The following DOCK3 variants were observed in gnomAD, a reference collection of about 807,000 sequenced individuals.
DOCK3 encodes the protein dedicator of cytokinesis protein 3.
A neutral mutation model predicts 265.6 loss-of-function variants in DOCK3; 60 were observed. The ratio of observed to expected loss-of-function variants is 0.23; its 90% CI spans 0.18 to 0.28. DOCK3 has a LOEUF of 0.28. Ranked by LOEUF, DOCK3 falls within the 10% of genes least tolerant of loss-of-function variation. DOCK3 has a pLI of 1.00. For missense variants in DOCK3, 1,981 were observed against 2,594.3 expected (o/e 0.76, Z 5.14); for synonymous variants, 881 against 938.0 (o/e 0.94, Z 1.11).
At chr3:50,842,781 A>G (rs2045901706) in intron 3 of DOCK3, among the ~76,000 whole-genome samples, 1 of 152,204 alleles carries the variant, frequency 6.6e-6, no homozygotes, top group South Asian at 2.1e-4. Context: ...ACATTCATGA[A>G]TGCTTACGTG....
chr3:50,991,221 G>A (rs1270792898), intron 5 of DOCK3, among the ~76,000 whole-genome samples: 1 of 152,136 alleles, frequency 6.6e-6, no homozygotes, highest in Non-Finnish European at 1.5e-5. Flanking sequence ...TAACAGCACA[G>A]TGACAGGATC....
chr3:51,256,710 C>T (rs2079572241), intron 22 of DOCK3, among the ~76,000 whole-genome samples: 1 of 151,152 alleles, frequency 6.6e-6, no homozygotes, highest in African/African-American at 2.4e-5. Context: ...TCTCCTGTCT[C>T]AGCCTCCCAA....
intron 2 of DOCK3, among the ~76,000 whole-genome samples, chr3:50,803,973 A>G (rs2043232825): frequency 1.3e-5 from 2 of 149,888 alleles, no homozygotes; most frequent in African/African-American, 2.5e-5. Flanking sequence ...GGGGCTCCTC[A>G]CTTCTCAGAC....
At chr3:50,821,150 T>C (rs1012937734) in intron 2 of DOCK3, among the ~76,000 whole-genome samples, 2 of 150,012 alleles carry the variant, frequency 1.3e-5, no homozygotes, top group African/African-American at 2.4e-5. Flanking sequence ...CTTTTTTTTT[T>C]TTTTTTTTGC....
intron 9 of DOCK3, among the ~76,000 whole-genome samples, chr3:51,100,128 G>T (rs1180468346): frequency 6.6e-6 from 1 of 152,198 alleles, no homozygotes; most frequent in African/African-American, 2.4e-5. Context: ...TAAAGGTAAA[G>T]CTGTGCTTAT....
chr3:51,253,499 T>C (rs1403364203), intron 22 of DOCK3, among the ~76,000 whole-genome samples: 1 of 152,154 alleles, frequency 6.6e-6, no homozygotes, highest in African/African-American at 2.4e-5. Context: ...AGTCCTGGAC[T>C]TTTTTTGGTT....
At chr3:51,083,367 G>C (rs1365631398) in intron 7 of DOCK3, among the ~76,000 whole-genome samples, 1 of 152,104 alleles carries the variant, frequency 6.6e-6, no homozygotes, top group Non-Finnish European at 1.5e-5. Flanking sequence ...ACATATCAAT[G>C]TAAGGACACA....
At chr3:50,994,526 A>G (rs2078214192) in intron 5 of DOCK3, among the ~76,000 whole-genome samples, 2 of 152,228 alleles carry the variant, frequency 1.3e-5, no homozygotes, top group Admixed American at 6.5e-5. Flanking sequence ...TAGTTGTGTT[A>G]ACTAAGATGT....
intron 5 of DOCK3, among the ~76,000 whole-genome samples, chr3:50,939,455 T>C (rs1287829618): frequency 6.6e-6 from 1 of 152,162 alleles, no homozygotes; most frequent in South Asian, 2.1e-4. Context: ...GTATCTCTTA[T>C]GTTTGTGACT....
Position 50,981,855 on chromosome 3 carries a change from T to A in DOCK3, c.315+47778T>A, listed in dbSNP as rs149604657. Among the ~76,000 whole-genome samples, 286 of 152,274 alleles carry A rather than the reference T, an allele frequency of 1.9e-3. 1 individual carries two copies. Among genetic ancestry groups the A allele is most frequent in the African/African-American group, 6.5e-3 (271 of 41,546 alleles). On this transcript the variant is annotated intron_variant, in intron 5 of 52. Coordinates refer to ENST00000266037, the MANE Select transcript of DOCK3 (RefSeq NM_004947.5). ...ATGTTTTGTTTTTTATTTATTTTAT[T>A]TATTTTATTTTTGAGATGGAGTCTC...
intron 1 of DOCK3, among the ~76,000 whole-genome samples, chr3:50,743,416 A>G (rs1003307324): frequency 2.0e-5 from 3 of 150,036 alleles, no homozygotes; most frequent in African/African-American, 4.9e-5. Flanking sequence ...TTAAAGAGTC[A>G]AGACCCATCA....
chr3:51,266,715 A>G (rs1006834595), intron 23 of DOCK3, among the ~76,000 whole-genome samples: 2 of 152,262 alleles, frequency 1.3e-5, no homozygotes, highest in Admixed American at 6.5e-5. Context: ...ACCTAAAACC[A>G]TAACAACCCT....
At chr3:50,938,476 A>G (rs977851707) in intron 5 of DOCK3, among the ~76,000 whole-genome samples, 7 of 152,182 alleles carry the variant, frequency 4.6e-5, no homozygotes, top group African/African-American at 1.4e-4. Flanking sequence ...GATTCTTTTC[A>G]GTCAAACATG....
At chr3:50,746,767 G>A (rs1209032897) in intron 1 of DOCK3, among the ~76,000 whole-genome samples, 1 of 151,990 alleles carries the variant, frequency 6.6e-6, no homozygotes, top group African/African-American at 2.4e-5. Flanking sequence ...GGTGGAGGAA[G>A]TGCCACATAC....
intron 1 of DOCK3, among the ~76,000 whole-genome samples, chr3:50,685,049 A>C (rs2034685475): frequency 1.3e-5 from 2 of 152,134 alleles, no homozygotes; most frequent in African/African-American, 4.8e-5. Flanking sequence ...TATACATTTA[A>C]GTAGGCATTT....
At chr3:51,185,287 G>T (rs575443229) in intron 12 of DOCK3, among the ~76,000 whole-genome samples, 6 of 152,184 alleles carry the variant, frequency 3.9e-5, no homozygotes, top group Admixed American at 6.5e-5. Flanking sequence ...GAAATTGGGT[G>T]CAGGATATGT....
intron 5 of DOCK3, among the ~76,000 whole-genome samples, chr3:51,058,032 A>T (rs1049041359): frequency 6.6e-5 from 10 of 152,028 alleles, no homozygotes; most frequent in Non-Finnish European, 1.5e-5. Context: ...GGCATTTTTC[A>T]TTTAGGGTTT....
chr3:50,778,185 C>A (rs2041716905), intron 1 of DOCK3, among the ~76,000 whole-genome samples: 1 of 151,874 alleles, frequency 6.6e-6, no homozygotes, highest in African/African-American at 2.4e-5. Flanking sequence ...TAGATTTTTT[C>A]TGTTGTGCAT....
In DOCK3 at chr3:50,731,992, A is replaced by G. The variant is rs1213862675; in HGVS notation, c.38-46683A>G. On this transcript the variant is annotated intron_variant, in intron 1 of 52. Transcript: ENST00000266037. ...GACAATCCATAATGAAATGCCTAAT[A>G]TTAGTTACGGAGTTTGGCAAAGTCT... 3.9e-5 allele frequency among the ~76,000 whole-genome samples: 6 copies of G among 152,086 alleles called. No individual in the cohort carries two copies. The East Asian group carries it at 9.6e-4, about 24-fold the overall frequency.
Sources: allele counts gnomAD v4.1 joint callset (sites outside exome capture counted in the v4.1 genomes callset), GRCh38; gene constraint gnomAD v4.1.1; transcripts MANE v1.5; gene names NCBI Gene and HGNC (gene_info 2026-07-23, HGNC 2026-07-21).